FRMD4B: variants seen among roughly 807,000 people sequenced by gnomAD.
FRMD4B encodes the protein FERM domain containing 4B.
Under a neutral mutation model 141.5 loss-of-function variants are expected in FRMD4B, and 74 were observed. The ratio of observed to expected loss-of-function variants is 0.52; its 90% CI spans 0.43 to 0.63. The LOEUF is 0.63. FRMD4B is among the 30% of genes least tolerant of loss of function. The probability of loss-of-function intolerance (pLI) is 0.00; values close to 1 mark genes in which losing one functional copy is unlikely to be tolerated. For synonymous variants in FRMD4B, 506 were observed against 467.9 expected (o/e 1.08, Z -1.05); for missense variants, 1,366 against 1,253.4 (o/e 1.09, Z -1.36).
chr3:69,193,183 T>C (rs1281056100), intron 17 of FRMD4B, among the ~76,000 whole-genome samples: 1 of 152,150 alleles, frequency 6.6e-6, no homozygotes, highest in South Asian at 2.1e-4. Context: ...TACATACTTA[T>C]AAAACTGAAA....
At chr3:69,186,005 G>A (rs1168260804) in intron 19 of FRMD4B, among the ~76,000 whole-genome samples, 2 of 150,368 alleles carry the variant, frequency 1.3e-5, no homozygotes, top group African/African-American at 4.9e-5. Flanking sequence ...TGGTGCTGCT[G>A]CACTCCAGCC....
At chr3:69,502,853 C>T (rs1239471521) in intron 1 of FRMD4B, among the ~76,000 whole-genome samples, 2 of 152,120 alleles carry the variant, frequency 1.3e-5, no homozygotes, top group African/African-American at 4.8e-5. Context: ...AAACAAACAA[C>T]CCCATCAAAA....
intron 7 of FRMD4B, chr3:69,228,658 G>A (rs1316710426): frequency 3.0e-6 from 1 of 337,830 alleles, no homozygotes; most frequent in East Asian, 7.5e-5. Context: ...AACACAGTGA[G>A]ACCTTGTTTC....
At chr3:69,173,855 T>C (rs1038566808) in intron 22 of FRMD4B, among the ~76,000 whole-genome samples, 2 of 152,188 alleles carry the variant, frequency 1.3e-5, no homozygotes, top group African/African-American at 4.8e-5. Context: ...GCTGCAATAC[T>C]GGGCTGGGCG....
Position 69,250,726 on chromosome 3 carries a change from C to CTTTT in FRMD4B, c.502-631_502-628dup, listed in dbSNP as rs543092302. Among the ~76,000 whole-genome samples, 577 of 134,346 alleles carry CTTTT rather than the reference C, an allele frequency of 4.3e-3. 6 individuals are homozygous for CTTTT. Among genetic ancestry groups the CTTTT allele is most frequent in the African/African-American group, 0.015 (534 of 36,644 alleles). 88.1% of individuals were successfully genotyped at this position (134,346 alleles called of 152,430 possible). A position where few individuals can be genotyped will look rare whatever the true frequency, so the allele number is the denominator to read the frequency against. ...GAGGAACTCTAATTTATCAGTTTTCCTTTTTTTTTTTTTTTTTTATCATTC... is the reference window on the plus strand; with the variant it reads ...GAGGAACTCTAATTTATCAGTTTTCCTTTTTTTTTTTTTTTTTTTTTTATCATTC... On this transcript the variant is annotated intron_variant, in intron 5 of 22. Coordinates refer to ENST00000398540, the MANE Select transcript of FRMD4B (RefSeq NM_015123.3).
At chr3:69,528,435 G>T (rs1700963842) in intron 1 of FRMD4B, among the ~76,000 whole-genome samples, 1 of 151,616 alleles carries the variant, frequency 6.6e-6, no homozygotes, top group South Asian at 2.1e-4. Flanking sequence ...TGCAATCCTG[G>T]CTTACTGCAG....
chr3:69,487,195 T>C lies in FRMD4B; in HGVS notation c.-128-54434A>G, dbSNP rs569188981. Reference sequence around the variant, plus strand: ...GAAATACTGTGCTGGAGCAGTCTCATAGAACCTCTTTAAATGGCTGATCCC... The same window carrying C: ...GAAATACTGTGCTGGAGCAGTCTCACAGAACCTCTTTAAATGGCTGATCCC... On this transcript the variant is annotated intron_variant, in intron 1 of 5. Coordinates refer to the FRMD4B transcript ENST00000459638. 9.2e-5 allele frequency among the ~76,000 whole-genome samples: 14 copies of C among 152,312 alleles called. No individual in the cohort carries two copies. The South Asian group carries it at 2.1e-3, about 23-fold the overall frequency.
At chr3:69,356,411 C>T (rs892437699) in intron 1 of FRMD4B, among the ~76,000 whole-genome samples, 3 of 152,056 alleles carry the variant, frequency 2.0e-5, no homozygotes, top group Non-Finnish European at 1.5e-5. Flanking sequence ...TCCCAGCCTA[C>T]ATCTTTCTCT....
chr3:69,396,125 T>C (rs1242226183), intron 2 of FRMD4B, among the ~76,000 whole-genome samples: 1 of 152,240 alleles, frequency 6.6e-6, no homozygotes, highest in African/African-American at 2.4e-5. Flanking sequence ...GTCCTTTTTC[T>C]ATGTTGCTGA....
intron 7 of FRMD4B, among the ~76,000 whole-genome samples, chr3:69,231,256 C>A (rs2093303292): frequency 6.6e-6 from 1 of 152,170 alleles, no homozygotes; most frequent in African/African-American, 2.4e-5. Context: ...GTCCTGGCAA[C>A]ATTCCTCACT....
intron 1 of FRMD4B, among the ~76,000 whole-genome samples, chr3:69,341,156 C>A (rs1394300049): frequency 2.6e-5 from 4 of 152,116 alleles, no homozygotes; most frequent in African/African-American, 9.7e-5. Flanking sequence ...ATGAGTGAGG[C>A]TCCTTGGACC....
chr3:69,456,733 TAA>T (rs60484143), intron 1 of FRMD4B, among the ~76,000 whole-genome samples: 158 of 128,982 alleles, frequency 1.2e-3, no homozygotes, highest in East Asian at 4.0e-3. Flanking sequence ...TCCATTTTTG[TAA>T]AAAAAAAAAA....
At chr3:69,441,606 C>T (rs1301271710) in intron 1 of FRMD4B, among the ~76,000 whole-genome samples, 1 of 152,202 alleles carries the variant, frequency 6.6e-6, no homozygotes, top group Non-Finnish European at 1.5e-5. Context: ...ATAAGCTCCA[C>T]ATGATTGAGG....
chr3:69,195,260 C>T lies in FRMD4B; in HGVS notation c.1339G>A (p.Glu447Lys), dbSNP rs372526250. ...LQEKLLKKVE[E>K]LKKICLREAE... Reference sequence around the variant, plus strand: ...TCCCGCAGACAGATCTTCTTAAGCTCCTCAACTTTTTTCAGAAGTTTTTCT... The same window carrying T: ...TCCCGCAGACAGATCTTCTTAAGCTTCTCAACTTTTTTCAGAAGTTTTTCT... The change falls in exon 15 of 23, where the codon GAG (glutamate) becomes AAG (lysine). Residue 447 changes from glutamate to lysine, a missense_variant. By Grantham distance (56) the Glu-to-Lys change is moderately conservative. Coordinates refer to ENST00000398540, the MANE Select transcript of FRMD4B (RefSeq NM_015123.3). The T allele has an allele frequency of 1.2e-6, 2 of 1,613,012 alleles. No homozygotes were observed. The highest frequency in any genetic ancestry group is 1.1e-5 in the South Asian group (1 of 90,890).
At chr3:69,235,007 G>A (rs1162164357) in intron 7 of FRMD4B, among the ~76,000 whole-genome samples, 1 of 151,648 alleles carries the variant, frequency 6.6e-6, no homozygotes, top group African/African-American at 2.4e-5. Context: ...AAAATTAGCC[G>A]GGTGTGGTGG....
At chr3:69,518,036 T>G (rs1248723162) in intron 1 of FRMD4B, among the ~76,000 whole-genome samples, 6 of 152,198 alleles carry the variant, frequency 3.9e-5, no homozygotes, top group African/African-American at 1.4e-4. Context: ...CGTCATACTT[T>G]GAGAACCACA....
At chr3:69,364,131 A>T (rs1207305636) in intron 1 of FRMD4B, among the ~76,000 whole-genome samples, 1 of 152,270 alleles carries the variant, frequency 6.6e-6, no homozygotes, top group Non-Finnish European at 1.5e-5. Flanking sequence ...AATCAGGCTT[A>T]GAAAATGAAC....
chr3:69,216,647 G>A (rs2093143725), intron 10 of FRMD4B, among the ~76,000 whole-genome samples: 1 of 151,816 alleles, frequency 6.6e-6, no homozygotes. Flanking sequence ...GGCTAGGATG[G>A]TCTTGATCTC....
chr3:69,300,803 A>G (rs1701189857), intron 4 of FRMD4B, among the ~76,000 whole-genome samples: 1 of 152,128 alleles, frequency 6.6e-6, no homozygotes, highest in Non-Finnish European at 1.5e-5. Flanking sequence ...CAATAGTGTG[A>G]TCTTGGCTCA....
Sources: allele counts gnomAD v4.1 joint callset (sites outside exome capture counted in the v4.1 genomes callset), GRCh38; gene constraint gnomAD v4.1.1; transcripts MANE v1.5; gene names NCBI Gene and HGNC (gene_info 2026-07-23, HGNC 2026-07-21).